Variants in COL14A1 observed in about 807,000 individuals in gnomAD.
The protein encoded by COL14A1 is collagen alpha-1(XIV) chain.
Under a neutral mutation model 230.3 loss-of-function variants are expected in COL14A1, and 136 were observed. The observed-to-expected ratio is 0.59, with a 90% CI of 0.51 to 0.68. The LOEUF is 0.68. COL14A1 is among the 30% of genes least tolerant of loss of function. The pLI is 0.00. For synonymous variants in COL14A1, 792 were observed against 784.1 expected, an observed-to-expected ratio of 1.01 and a Z score of -0.17; for missense variants, 1,976 against 2,215.8, an observed-to-expected ratio of 0.89 and a Z score of 2.17.
chr8:120,300,704 TG>T, intron 35 of COL14A1, 27 bp from the exon 36 acceptor site: 3 of 1,565,060 alleles, frequency 1.9e-6, no homozygotes, highest in Non-Finnish European at 2.6e-6. Context: ...GGCATGCTAA[TG>T]GTTGTGCTTT....
In COL14A1 at chr8:120,289,623, A is replaced by C. The variant is rs1286400492; in HGVS notation, c.4093A>C (p.Ser1365Arg). 1.9e-6 allele frequency: 3 copies of C among 1,613,820 alleles called. No homozygotes were observed. Among genetic ancestry groups the C allele is most frequent in the Non-Finnish European group, 2.5e-6 (3 of 1,179,934 alleles). Residue 1365 changes from serine (S) to arginine (R), a missense_variant, in exon 34 of 48, where the codon AGT becomes CGT. By Grantham distance (110) the Ser-to-Arg change is moderately radical. Around this residue, in one of 3 missense-constraint regions of COL14A1, gnomAD observed 1,791 missense variants for 2,019.5 expected, o/e 0.89. Coordinates refer to ENST00000297848, the MANE Select transcript of COL14A1 (RefSeq NM_021110.4). Reference sequence around the variant, plus strand: ...TTTTACCTAGCTACACATTGTTGTCAGTGAGACTTTGGTCAAAGTGGTTAT... The same window carrying C: ...TTTTACCTAGCTACACATTGTTGTCCGTGAGACTTTGGTCAAAGTGGTTAT... ...GSFHKLHIVV[S>R]ETLVKVVIDC...
chr8:120,293,034 G>T (rs745553955), intron 34 of COL14A1, among the ~76,000 whole-genome samples: 1 of 152,056 alleles, frequency 6.6e-6, no homozygotes, highest in Non-Finnish European at 1.5e-5. Flanking sequence ...CTTAACAACT[G>T]TGCTTCTCCT....
intron 47 of COL14A1, chr8:120,370,813 T>C: frequency 7.3e-7 from 1 of 1,366,598 alleles, no homozygotes; most frequent in South Asian, 1.2e-5. Flanking sequence ...TGCTCTTCCC[T>C]GGTGATGGAC....
chr8:120,137,069 T>TTTGCTA (rs1814738823), intron 1 of COL14A1, among the ~76,000 whole-genome samples: 1 of 152,040 alleles, frequency 6.6e-6, no homozygotes, highest in African/African-American at 2.4e-5. Flanking sequence ...TTTCATAGAA[T>TTTGCTA]TTGCTAGTGA....
intron 5 of COL14A1, among the ~76,000 whole-genome samples, chr8:120,184,945 T>C (rs1437473696): frequency 2.0e-5 from 3 of 152,198 alleles, no homozygotes; most frequent in African/African-American, 7.2e-5. Flanking sequence ...CAGAGTAATG[T>C]TGGGTCAAAT....
intron 9 of COL14A1, among the ~76,000 whole-genome samples, chr8:120,204,761 T>G (rs1372541256): frequency 6.6e-6 from 1 of 152,218 alleles, no homozygotes; most frequent in Admixed American, 6.5e-5. Context: ...CTGGCCTCCT[T>G]GCTACTGGAC....
intron 26 of COL14A1, among the ~76,000 whole-genome samples, chr8:120,277,158 C>G (rs1819880238): frequency 6.6e-6 from 1 of 152,134 alleles, no homozygotes; most frequent in Non-Finnish European, 1.5e-5. Flanking sequence ...TAAGAACATA[C>G]ATTTTGACCT....
chr8:120,320,335 C>A (rs954414923), intron 40 of COL14A1, among the ~76,000 whole-genome samples: 1 of 152,078 alleles, frequency 6.6e-6, no homozygotes, highest in Non-Finnish European at 1.5e-5. Context: ...CGTCGAGATG[C>A]CTTAGAAGAC....
chr8:120,313,946 T>C lies in COL14A1; in HGVS notation c.4470T>C (p.Pro1490=). 1 of 1,612,294 alleles carries C rather than the reference T, an allele frequency of 6.2e-7. No homozygotes were observed. Among genetic ancestry groups the C allele is most frequent in the Non-Finnish European group, 8.5e-7 (1 of 1,179,124 alleles). ...GEPGPKGPDG[P]RGEIGLPGPQ... ...TTGCCTTCCAGGGACCAGATGGCCC[T>C]CGGGGTGAAATTGGTCTGCCAGGAC... The change falls in exon 38 of 48, where the codon CCT becomes CCC. Residue 1490 remains proline, a synonymous_variant. Transcript: ENST00000297848.
intron 5 of COL14A1, among the ~76,000 whole-genome samples, chr8:120,193,712 C>T (rs1410760004): frequency 6.6e-6 from 1 of 152,194 alleles, no homozygotes; most frequent in Non-Finnish European, 1.5e-5. Context: ...CCAGTTTGAG[C>T]TTCCCGGCTG....
intron 34 of COL14A1, 26 bp downstream of exon 34, chr8:120,289,792 T>C: frequency 1.9e-6 from 3 of 1,596,166 alleles, no homozygotes; most frequent in Middle Eastern, 1.7e-4. Context: ...CGTGAAGCTG[T>C]GTTATTGTTA....
intron 33 of COL14A1, among the ~76,000 whole-genome samples, chr8:120,288,380 T>TGTA (rs1277377038): frequency 2.0e-5 from 3 of 152,122 alleles, no homozygotes; most frequent in African/African-American, 7.2e-5. Flanking sequence ...TAACAATTGG[T>TGTA]GTAAGTCCAT....
At chr8:120,163,018 A>G (rs1285166199) in intron 4 of COL14A1, among the ~76,000 whole-genome samples, 1 of 152,190 alleles carries the variant, frequency 6.6e-6, no homozygotes, top group African/African-American at 2.4e-5. Context: ...CCTGGCATAT[A>G]ATGGGCGCTC....
chr8:120,350,927 AATATAC>A (rs1822739783), intron 45 of COL14A1, among the ~76,000 whole-genome samples: 1 of 150,516 alleles, frequency 6.6e-6, no homozygotes, highest in Non-Finnish European at 1.5e-5. Flanking sequence ...AAATCAACAG[AATATAC>A]ATTTTTTTCA....
chr8:120,162,495 A>G lies in COL14A1; in HGVS notation c.275A>G (p.Asp92Gly), dbSNP rs554596714. The change falls in exon 4 of 48, where the codon GAC (aspartate) becomes GGC (glycine). Residue 92 changes from aspartate to glycine, a missense_variant. This residue lies in a region of COL14A1 where 181 missense variants were observed against 178.6 expected (regional missense o/e 1.01). Coordinates refer to ENST00000297848, the MANE Select transcript of COL14A1 (RefSeq NM_021110.4). ...TKAIIQGLMP[D>G]QNYTVQIIAY... Reference sequence around the variant, plus strand: ...GCAATTATTCAAGGCCTTATGCCAGACCAGAATTACACAGTTCAAATTATT... The same window carrying G: ...GCAATTATTCAAGGCCTTATGCCAGGCCAGAATTACACAGTTCAAATTATT... The G allele has an allele frequency of 1.0e-3, 1,606 of 1,613,182 alleles. 25 individuals carry two copies. In the South Asian group the frequency reaches 0.015, roughly 16 times the overall value.
chr8:120,194,000 C>T (rs1300631926), intron 5 of COL14A1, among the ~76,000 whole-genome samples: 3 of 152,346 alleles, frequency 2.0e-5, no homozygotes, highest in Non-Finnish European at 4.4e-5. Flanking sequence ...CCTTGCGCTT[C>T]CCGGGTGAGG....
Position 120,281,008 on chromosome 8 carries a change from T to A in COL14A1, c.3773T>A (p.Val1258Glu). Reference protein sequence around the residue: ...GVSMEPGTFNVFPCYQLHKDA... With the variant: ...GVSMEPGTFNEFPCYQLHKDA... Reference sequence around the variant, plus strand: ...TCTATGGAGCCTGGTACCTTCAATGTGTTTCCATGTTACCAACTCCATAAA... The same window carrying A: ...TCTATGGAGCCTGGTACCTTCAATGAGTTTCCATGTTACCAACTCCATAAA... Residue 1258 changes from valine (V) to glutamate (E), a missense_variant, in exon 31 of 48, where the codon GTG (valine) becomes GAG (glutamate). Physicochemically the swap from Val to Glu is moderately radical, Grantham distance 121. Around this residue, in one of 3 missense-constraint regions of COL14A1, gnomAD observed 1,791 missense variants for 2,019.5 expected, o/e 0.89. Coordinates refer to ENST00000297848, the MANE Select transcript of COL14A1 (RefSeq NM_021110.4). The A allele has an allele frequency of 6.2e-7, 1 of 1,613,190 alleles. No homozygotes were observed. The highest frequency in any genetic ancestry group is 1.1e-5 in the South Asian group (1 of 90,954).
chr8:120,347,442 G>C (rs1016966556), intron 45 of COL14A1, among the ~76,000 whole-genome samples: 1 of 152,078 alleles, frequency 6.6e-6, no homozygotes, highest in African/African-American at 2.4e-5. Context: ...CCACTTGAAG[G>C]GTGTGATTTT....
At chr8:120,270,384 C>T (rs76281963) in intron 26 of COL14A1, among the ~76,000 whole-genome samples, 93 of 151,584 alleles carry the variant, frequency 6.1e-4, no homozygotes, top group Non-Finnish European at 9.9e-4. Flanking sequence ...GTGTTGAGTT[C>T]GGCAAACTAA....
Sources: gnomAD v4.1 joint callset for allele counts (sites outside exome capture counted in the v4.1 genomes callset) on GRCh38, gnomAD v4.1.1 for gene constraint, gnomAD v4.1.1 regional missense constraint, MANE v1.5 for transcripts, NCBI Gene and HGNC (gene_info 2026-07-23, HGNC 2026-07-21) for gene names.